XKR6: variants seen among roughly 807,000 people sequenced by gnomAD.
XKR6 encodes the protein XK related 6, also known as XK-related protein 6.
In XKR6, 22 loss-of-function variants were observed where a neutral mutation model predicts 56.7. The ratio of observed to expected loss-of-function variants is 0.39; its 90% CI spans 0.28 to 0.55. XKR6 has a LOEUF of 0.55. Among genes scored for constraint, XKR6 ranks in the 20% least tolerant of loss-of-function variants. XKR6 has a pLI of 0.66. For missense variants in XKR6, 852 were observed against 889.0 expected, an observed-to-expected ratio of 0.96 and a Z score of 0.53; for synonymous variants, 524 against 387.8, an observed-to-expected ratio of 1.35 and a Z score of -4.13.
At chr8:11,064,953 C>G (rs1400524661) in intron 1 of XKR6, among the ~76,000 whole-genome samples, 1 of 152,156 alleles carries the variant, frequency 6.6e-6, no homozygotes, top group Non-Finnish European at 1.5e-5. Context: ...CTGTACTTGT[C>G]TATACTCTTT....
intron 1 of XKR6, among the ~76,000 whole-genome samples, chr8:10,938,458 C>T (rs1247114222): frequency 6.6e-6 from 1 of 152,206 alleles, no homozygotes; most frequent in Non-Finnish European, 1.5e-5. Flanking sequence ...GCCTACTATC[C>T]TTCCGCAGGT....
At chr8:10,944,877 T>C (rs1464779440) in intron 1 of XKR6, among the ~76,000 whole-genome samples, 3 of 152,152 alleles carry the variant, frequency 2.0e-5, no homozygotes, top group Admixed American at 1.3e-4. Context: ...ACAATGGTGG[T>C]GGGCTCAGGG....
At chr8:11,112,160 T>C (rs1014031681) in intron 1 of XKR6, among the ~76,000 whole-genome samples, 1 of 152,226 alleles carries the variant, frequency 6.6e-6, no homozygotes, top group African/African-American at 2.4e-5. Context: ...CATTCATAAT[T>C]TGAGCCTTTA....
At chr8:11,176,216 T>A (rs574266446) in intron 1 of XKR6, among the ~76,000 whole-genome samples, 22 of 152,322 alleles carry the variant, frequency 1.4e-4, no homozygotes, top group Admixed American at 9.2e-4. Flanking sequence ...TAGGAAATTA[T>A]CTCCTCGAAT....
In XKR6 at chr8:11,043,070, G is replaced by A. The variant is rs764168547; in HGVS notation, c.765-118240C>T. Among the ~76,000 whole-genome samples the A allele has an allele frequency of 3.9e-4, 60 of 152,156 alleles. 1 individual carries two copies. Among genetic ancestry groups the A allele is most frequent in the Non-Finnish European group, 4.0e-4 (27 of 68,020 alleles). On this transcript the variant is annotated intron_variant, in intron 1 of 2. Transcript: ENST00000416569. The stretch of plus-strand genomic sequence containing the variant: ...GGCCCACCCAGAGGGGTCCTGGTTG[G>A]AGACCTCCACAGAGTACTCAGAACA...
intron 1 of XKR6, among the ~76,000 whole-genome samples, chr8:10,982,441 A>G (rs188129118): frequency 3.2e-4 from 48 of 152,336 alleles, no homozygotes; most frequent in Admixed American, 1.7e-3. Flanking sequence ...AGAAAGCACA[A>G]TGCTCTTTAA....
chr8:10,999,198 C>T (rs572337208), intron 1 of XKR6, among the ~76,000 whole-genome samples: 8 of 152,174 alleles, frequency 5.3e-5, no homozygotes, highest in Non-Finnish European at 8.8e-5. Context: ...AGGGCTCAAT[C>T]GTGGGATTAT....
chr8:11,006,236 G>A (rs1416274917), intron 1 of XKR6, among the ~76,000 whole-genome samples: 1 of 152,196 alleles, frequency 6.6e-6, no homozygotes, highest in African/African-American at 2.4e-5. Flanking sequence ...GAGCTGGGGA[G>A]AGAACAAATG....
chr8:10,976,540 A>C (rs1802566312), intron 1 of XKR6, among the ~76,000 whole-genome samples: 2 of 152,194 alleles, frequency 1.3e-5, no homozygotes, highest in Non-Finnish European at 2.9e-5. Context: ...GGAGGCCTGC[A>C]ATCATTTGGA....
At chr8:11,148,526 C>G (rs1282519251) in intron 1 of XKR6, among the ~76,000 whole-genome samples, 1 of 152,162 alleles carries the variant, frequency 6.6e-6, no homozygotes, top group Non-Finnish European at 1.5e-5. Context: ...GCTGTGCTAG[C>G]AAACAAACAC....
chr8:11,181,914 G>A lies in XKR6; in HGVS notation c.764+18662C>T, dbSNP rs142389835. 6.2e-3 allele frequency among the ~76,000 whole-genome samples: 946 copies of A among 151,972 alleles called. 4 individuals carry two copies. Among genetic ancestry groups the A allele is most frequent in the African/African-American group, 0.017 (687 of 41,440 alleles). ...GTTGCCCAGGTTGGAGTGCAGTGGC[G>A]AGATCTCAGCTCCCTGAAACCTCCG... On this transcript the variant is annotated intron_variant, in intron 1 of 2. Coordinates refer to ENST00000416569, the MANE Select transcript of XKR6 (RefSeq NM_173683.4).
rs2129106278 is a variant in XKR6, at chr8:10,897,852, T to G, written c.*100A>C. On this transcript the variant is annotated 3_prime_UTR_variant, in exon 3 of 3. Transcript: ENST00000416569. Reference sequence around the variant, plus strand: ...GTGGCGGTGTTGGTGGTGGTGGCGGTGGTTCTGTGTATTGGGGGAAGGGAG... The same window carrying G: ...GTGGCGGTGTTGGTGGTGGTGGCGGGGGTTCTGTGTATTGGGGGAAGGGAG... The G allele has an allele frequency of 1.4e-6, 2 of 1,429,902 alleles. No homozygotes were observed. The highest frequency in any genetic ancestry group is 1.8e-6 in the Non-Finnish European group (2 of 1,085,028). The allele number at this position is 1,429,902 out of a possible 1,614,324, so 88.6% of individuals were successfully genotyped here. A position where few individuals can be genotyped will look rare whatever the true frequency, so the allele number is the denominator to read the frequency against.
At chr8:11,183,283 T>C (rs1417667992) in intron 1 of XKR6, among the ~76,000 whole-genome samples, 3 of 152,180 alleles carry the variant, frequency 2.0e-5, no homozygotes, top group Admixed American at 1.3e-4. Context: ...AGAATCATTA[T>C]ATTGCTTTCC....
intron 1 of XKR6, among the ~76,000 whole-genome samples, chr8:11,164,619 TAAAC>T (rs1456608537): frequency 2.0e-5 from 3 of 152,152 alleles, no homozygotes; most frequent in Admixed American, 1.3e-4. Context: ...ACACAATCAA[TAAAC>T]AAACACACGC....
chr8:10,945,833 G>A (rs558803891), intron 1 of XKR6, among the ~76,000 whole-genome samples: 6 of 152,166 alleles, frequency 3.9e-5, no homozygotes, highest in Admixed American at 3.9e-4. Context: ...GAACCCGAGA[G>A]CTGGGTGGTG....
intron 1 of XKR6, among the ~76,000 whole-genome samples, chr8:11,160,911 C>CAAAAAAAAAAAAAAAAAAAAAA (rs33931830): frequency 4.1e-4 from 26 of 63,770 alleles, no homozygotes; most frequent in East Asian, 1.9e-3. Flanking sequence ...GACTCCGTCT[C>CAAAAAAAAAAAAAAAAAAAAAA]AAAAAAAAAA....
At chr8:11,058,814 T>G (rs927919422) in intron 1 of XKR6, among the ~76,000 whole-genome samples, 2 of 152,120 alleles carry the variant, frequency 1.3e-5, no homozygotes, top group Non-Finnish European at 2.9e-5. Context: ...GTAACAAACC[T>G]GCATGTTCTG....
intron 1 of XKR6, among the ~76,000 whole-genome samples, chr8:11,161,428 T>TAA (rs1307150859): frequency 6.6e-6 from 1 of 152,224 alleles, no homozygotes; most frequent in Non-Finnish European, 1.5e-5. Flanking sequence ...ATGATGTCCC[T>TAA]AAAAACCTAG....
intron 1 of XKR6, among the ~76,000 whole-genome samples, chr8:11,084,692 T>C (rs1376435104): frequency 1.3e-5 from 2 of 152,178 alleles, no homozygotes; most frequent in African/African-American, 4.8e-5. Flanking sequence ...AGTTAATGTG[T>C]GGGAGCTATT....
Sources: gnomAD v4.1 joint callset for allele counts (sites outside exome capture counted in the v4.1 genomes callset) on GRCh38, gnomAD v4.1.1 for gene constraint, MANE v1.5 for transcripts, NCBI Gene and HGNC (gene_info 2026-07-23, HGNC 2026-07-21) for gene names.